EHMT1: variants seen among roughly 807,000 people sequenced by gnomAD.
EHMT1 encodes the protein histone-lysine N-methyltransferase EHMT1.
Under a neutral mutation model 147.2 loss-of-function variants are expected in EHMT1, and 15 were observed. The observed-to-expected ratio is 0.10, with a 90% CI of 0.07 to 0.16. EHMT1 has a LOEUF of 0.16. Among genes scored for constraint, EHMT1 ranks in the 10% least tolerant of loss-of-function variants. The pLI is 1.00. For synonymous variants in EHMT1, 795 were observed against 709.6 expected, an observed-to-expected ratio of 1.12 and a Z score of -1.91; for missense variants, 1,587 against 1,772.4, an observed-to-expected ratio of 0.90 and a Z score of 1.88.
intron 1 of EHMT1, among the ~76,000 whole-genome samples, chr9:137,662,353 A>G (rs892887003): frequency 6.6e-6 from 1 of 151,706 alleles, no homozygotes; most frequent in Non-Finnish European, 1.5e-5. Flanking sequence ...ACATGCCACA[A>G]TCCCGAGCTA....
At chr9:137,780,258 T>C (rs371471061) in intron 14 of EHMT1, among the ~76,000 whole-genome samples, 4,021 of 137,532 alleles carry the variant, frequency 0.029, 98 homozygotes, top group Middle Eastern at 0.12. Context: ...GTGATGACGC[T>C]GGGATGTGTG....
chr9:137,703,385 C>T (rs1186901365), intron 1 of EHMT1, among the ~76,000 whole-genome samples: 1 of 152,206 alleles, frequency 6.6e-6, no homozygotes, highest in Non-Finnish European at 1.5e-5. Context: ...AACTTTTATG[C>T]TCTGCTTCCC....
At chr9:137,677,761 A>G (rs534647068) in intron 1 of EHMT1, among the ~76,000 whole-genome samples, 44 of 152,206 alleles carry the variant, frequency 2.9e-4, no homozygotes, top group African/African-American at 1.0e-3. Context: ...GTGTATCTTA[A>G]AAAAATAGTA....
chr9:137,802,898 G>T, intron 18 of EHMT1: 1 of 1,232,466 alleles, frequency 8.1e-7, no homozygotes, highest in Non-Finnish European at 1.0e-6. Flanking sequence ...GCCGGCAGAA[G>T]GAAGAGAAGA....
chr9:137,724,373 G>A (rs1946387072), intron 3 of EHMT1, among the ~76,000 whole-genome samples: 1 of 152,198 alleles, frequency 6.6e-6, no homozygotes, highest in Non-Finnish European at 1.5e-5. Context: ...CCAGAGCCAG[G>A]CCCTGTGGAG....
chr9:137,712,612 A>C (rs895957445), intron 2 of EHMT1, among the ~76,000 whole-genome samples: 4 of 152,104 alleles, frequency 2.6e-5, no homozygotes, highest in Non-Finnish European at 5.9e-5. Context: ...TTCTCCTGTG[A>C]TTTCAAATTG....
At chr9:137,706,275 T>G (rs927793022) in intron 1 of EHMT1, among the ~76,000 whole-genome samples, 12 of 152,232 alleles carry the variant, frequency 7.9e-5, no homozygotes, top group Admixed American at 7.8e-4. Context: ...GGGCAGAGCT[T>G]CTGCAGTGCG....
intron 2 of EHMT1, among the ~76,000 whole-genome samples, chr9:137,713,975 T>C (rs1214062603): frequency 6.6e-6 from 1 of 152,140 alleles, no homozygotes; most frequent in East Asian, 1.9e-4. Flanking sequence ...TTAAAAAAAA[T>C]TGATTTTTGC....
chr9:137,807,058 C>G (rs186831164), intron 18 of EHMT1, among the ~76,000 whole-genome samples: 11 of 152,054 alleles, frequency 7.2e-5, no homozygotes, highest in African/African-American at 1.5e-4. Flanking sequence ...TGTGTGTGCA[C>G]GTAGGGTTCA....
chr9:137,742,307 G>GTA (rs1481388746), intron 4 of EHMT1, among the ~76,000 whole-genome samples: 1 of 150,974 alleles, frequency 6.6e-6, no homozygotes, highest in Admixed American at 6.6e-5. Flanking sequence ...GTGTGTGTGT[G>GTA]TGTGTGTGTG....
chr9:137,697,106 C>A, intron 1 of EHMT1: 1 of 399,134 alleles, frequency 2.5e-6, no homozygotes, highest in Non-Finnish European at 5.1e-6. Flanking sequence ...TGTGGTAAAA[C>A]CCTGTCTCTA....
intron 1 of EHMT1, among the ~76,000 whole-genome samples, chr9:137,673,576 T>G (rs924812609): frequency 6.6e-6 from 1 of 152,060 alleles, no homozygotes; most frequent in Non-Finnish European, 1.5e-5. Context: ...CATGTCTGTG[T>G]CCCTCCCTCA....
chr9:137,768,520 A>AT (rs1387488893), intron 10 of EHMT1, among the ~76,000 whole-genome samples: 11 of 91,554 alleles, frequency 1.2e-4, no homozygotes, highest in Non-Finnish European at 2.4e-4. Flanking sequence ...CGCCCGGCTA[A>AT]TTTTTTGTAT....
At chr9:137,698,276 AATG>A (rs1418220087) in intron 1 of EHMT1, among the ~76,000 whole-genome samples, 2 of 152,264 alleles carry the variant, frequency 1.3e-5, no homozygotes, top group Non-Finnish European at 2.9e-5. Context: ...TAGGAAAAGA[AATG>A]ATCACTTCTG....
At chr9:137,779,748 C>A in intron 14 of EHMT1, 31 bp downstream of exon 14, 1 of 1,610,238 alleles carries the variant, frequency 6.2e-7, no homozygotes, top group Non-Finnish European at 8.5e-7. Context: ...CGGGCACATG[C>A]AGCCGGCCCT....
chr9:137,810,632 A>G (rs559668034), intron 18 of EHMT1, among the ~76,000 whole-genome samples: 73 of 151,984 alleles, frequency 4.8e-4, no homozygotes, highest in Non-Finnish European at 9.4e-4. Flanking sequence ...TATATTTTAC[A>G]TGTGGCACAA....
intron 2 of EHMT1, among the ~76,000 whole-genome samples, chr9:137,711,306 C>T (rs1033505638): frequency 3.9e-5 from 6 of 152,154 alleles, no homozygotes; most frequent in Non-Finnish European, 5.9e-5. Context: ...AAGTGAGTGG[C>T]CACACAAATG....
chr9:137,636,237 T>C (rs1310522955), intron 1 of EHMT1, among the ~76,000 whole-genome samples: 9 of 152,346 alleles, frequency 5.9e-5, no homozygotes, highest in Middle Eastern at 6.8e-3. Flanking sequence ...ATTTTTAGAT[T>C]GCAATTGTAT....
intron 10 of EHMT1, among the ~76,000 whole-genome samples, chr9:137,768,956 A>T (rs1292677168): frequency 6.6e-6 from 1 of 152,142 alleles, no homozygotes; most frequent in Non-Finnish European, 1.5e-5. Flanking sequence ...CAAAGTGCTG[A>T]GATTACAGTC....
Sources: allele counts gnomAD v4.1 joint callset (sites outside exome capture counted in the v4.1 genomes callset), GRCh38; gene constraint gnomAD v4.1.1; transcripts MANE v1.5; gene names NCBI Gene and HGNC (gene_info 2026-07-23, HGNC 2026-07-21).